Variants in CTNNA3 observed in about 807,000 individuals in gnomAD.
CTNNA3 encodes catenin alpha 3, also known as catenin alpha-3.
CTNNA3 carries 76 observed loss-of-function variants against 95.7 expected under a neutral mutation model. That is an observed-to-expected ratio of 0.79 (90% confidence interval 0.66 to 0.96). The LOEUF is 0.96. Ranked by LOEUF, CTNNA3 falls within the 40% of genes least tolerant of loss-of-function variation. CTNNA3 has a pLI of 0.00. For missense variants in CTNNA3, 1,191 were observed against 1,089.8 expected, an observed-to-expected ratio of 1.09 and a Z score of -1.31; for synonymous variants, 431 against 374.4, an observed-to-expected ratio of 1.15 and a Z score of -1.74.
At chr10:66,629,212 T>C (rs1845046533) in intron 9 of CTNNA3, among the ~76,000 whole-genome samples, 1 of 151,512 alleles carries the variant, frequency 6.6e-6, no homozygotes, top group African/African-American at 2.4e-5. Context: ...ATTCCTAGAG[T>C]GTTCAAGTCA....
At chr10:66,570,586 C>T (rs113171226) in intron 10 of CTNNA3, among the ~76,000 whole-genome samples, 2,504 of 151,812 alleles carry the variant, frequency 0.016, 30 homozygotes, top group Non-Finnish European at 0.026. Context: ...CGCACCCAGC[C>T]GACAAAATAT....
intron 11 of CTNNA3, among the ~76,000 whole-genome samples, chr10:66,476,053 T>A (rs1203684772): frequency 6.6e-6 from 1 of 152,056 alleles, no homozygotes; most frequent in Non-Finnish European, 1.5e-5. Context: ...TGAGCTAACA[T>A]CCTTTGCTGG....
chr10:66,648,509 A>T (rs905994740), intron 9 of CTNNA3, among the ~76,000 whole-genome samples: 2 of 152,196 alleles, frequency 1.3e-5, no homozygotes, highest in Non-Finnish European at 2.9e-5. Context: ...AGAGTCGAAT[A>T]TGCGAATCCT....
At position 66,609,046 on chromosome 10, in the gene CTNNA3, C is replaced by A. The variant is rs1460302681; in HGVS notation, c.1374+12646G>T. Reference sequence around the variant, plus strand: ...TACATTCTGCAAACTATGCATCTGACAAAGGTCTATTATCTTTTTTTTTCT... The same window carrying A: ...TACATTCTGCAAACTATGCATCTGAAAAAGGTCTATTATCTTTTTTTTTCT... On this transcript the variant is annotated intron_variant, in intron 10 of 17. Transcript: ENST00000433211. Among the ~76,000 whole-genome samples, 3 of 151,916 alleles carry A rather than the reference C, an allele frequency of 2.0e-5. No individual in the cohort carries two copies. In the East Asian group the frequency reaches 5.8e-4, roughly 29 times the overall value.
At chr10:67,341,582 T>C (rs1343883110) in intron 5 of CTNNA3, among the ~76,000 whole-genome samples, 1 of 152,230 alleles carries the variant, frequency 6.6e-6, no homozygotes, top group Non-Finnish European at 1.5e-5. Context: ...ACATTTTCTT[T>C]ATCCATTCAT....
rs973134085 is a variant in CTNNA3 at position 67,743,727 on chromosome 10, T to C, written c.-2+19707A>G. ...AAGTTAAATTGTCCCTGTTTGCAGATGACATGATTGTATATCTAGAAAACC... is the reference window on the plus strand; with the variant it reads ...AAGTTAAATTGTCCCTGTTTGCAGACGACATGATTGTATATCTAGAAAACC... On this transcript the variant is annotated intron_variant, in intron 1 of 17. Transcript: ENST00000684154. 4.6e-5 allele frequency among the ~76,000 whole-genome samples: 7 copies of C among 151,266 alleles called. 1 individual carries two copies. The Admixed American group carries it at 4.6e-4, about 10-fold the overall frequency.
At position 67,252,218 on chromosome 10, in the gene CTNNA3, C is replaced by CAAA. The variant is rs34502404; in HGVS notation, c.580-32351_580-32349dup. Among the ~76,000 whole-genome samples the CAAA allele has an allele frequency of 1.5e-3, 132 of 87,240 alleles. 3 individuals carry two copies. The highest frequency in any genetic ancestry group is 4.0e-3 in the African/African-American group (120 of 29,908). The allele number at this position is 87,240 out of a possible 152,430, so 57.2% of individuals were successfully genotyped here. A position where few individuals can be genotyped will look rare whatever the true frequency, so the allele number is the denominator to read the frequency against. ...AGAGCAACAGAGTGAAACACTGTCTCAAAAAAAAAAAAAAAAAAGACCTAA... is the reference window on the plus strand; with the variant it reads ...AGAGCAACAGAGTGAAACACTGTCTCAAAAAAAAAAAAAAAAAAAAAGACCTAA... On this transcript the variant is annotated intron_variant, in intron 5 of 17. Transcript: ENST00000433211.
intron 3 of CTNNA3, among the ~76,000 whole-genome samples, chr10:67,593,372 G>A (rs750702661): frequency 6.6e-6 from 1 of 152,060 alleles, no homozygotes. Flanking sequence ...TAACAATATT[G>A]ATTCTTCTGA....
chr10:66,698,010 C>A (rs1190508298), intron 9 of CTNNA3, among the ~76,000 whole-genome samples: 1 of 151,990 alleles, frequency 6.6e-6, no homozygotes, highest in African/African-American at 2.4e-5. Context: ...AGGAAACAGG[C>A]CTTCTGAACA....
At chr10:66,004,490 G>A (rs1423984861) in intron 15 of CTNNA3, among the ~76,000 whole-genome samples, 1 of 152,092 alleles carries the variant, frequency 6.6e-6, no homozygotes, top group East Asian at 1.9e-4. Context: ...ATAGAGACAT[G>A]TAACCTAGTT....
At chr10:66,406,932 A>C (rs1056860436) in intron 11 of CTNNA3, among the ~76,000 whole-genome samples, 3 of 152,138 alleles carry the variant, frequency 2.0e-5, no homozygotes, top group Non-Finnish European at 4.4e-5. Context: ...TTGATTTCTT[A>C]AGTTTTAAAA....
chr10:66,002,160 T>C lies in CTNNA3; in HGVS notation c.2160-13363A>G, dbSNP rs1442666268. On this transcript the variant is annotated intron_variant, in intron 15 of 17. Transcript: ENST00000433211. ...AGATAAAAAAGAAAAAAAGTAGTTA[T>C]CATGGAAGCAACCAAAAATGATAAG... is the stretch of plus-strand genomic sequence containing the variant. Among the ~76,000 whole-genome samples, 10 of 152,282 alleles carry C rather than the reference T, an allele frequency of 6.6e-5. No homozygotes were observed. The East Asian group carries it at 1.9e-3, about 29-fold the overall frequency.
chr10:67,258,138 CTTTG>C (rs556872529), intron 5 of CTNNA3, among the ~76,000 whole-genome samples: 9 of 151,866 alleles, frequency 5.9e-5, no homozygotes, highest in East Asian at 1.9e-4. Context: ...AATGGTTATC[CTTTG>C]TTTGTTTGTT....
At chr10:67,221,235 A>G (rs747280458) in intron 5 of CTNNA3, among the ~76,000 whole-genome samples, 2 of 152,206 alleles carry the variant, frequency 1.3e-5, no homozygotes, top group Non-Finnish European at 2.9e-5. Flanking sequence ...ACTGGAAAAA[A>G]GGTAAATGGG....
chr10:66,590,583 A>G (rs750332880), intron 10 of CTNNA3, among the ~76,000 whole-genome samples: 36 of 152,232 alleles, frequency 2.4e-4, no homozygotes, highest in South Asian at 6.2e-4. Context: ...AATGAGGACC[A>G]TGAATCAGAA....
intron 7 of CTNNA3, among the ~76,000 whole-genome samples, chr10:67,004,128 GC>G (rs1851837420): frequency 6.6e-6 from 1 of 151,802 alleles, no homozygotes; most frequent in African/African-American, 2.4e-5. Context: ...TGGCTGTGGA[GC>G]CATGGCTGTG....
chr10:66,394,237 G>T (rs146985473), intron 11 of CTNNA3, among the ~76,000 whole-genome samples: 26 of 151,996 alleles, frequency 1.7e-4, no homozygotes, highest in Middle Eastern at 3.4e-3. Context: ...ATAGCTAGAG[G>T]GAACTTCAAG....
intron 4 of CTNNA3, among the ~76,000 whole-genome samples, chr10:67,531,321 G>A (rs1840320267): frequency 6.6e-6 from 1 of 152,180 alleles, no homozygotes; most frequent in Admixed American, 6.5e-5. Flanking sequence ...CCAGGAGGAA[G>A]GCTGTATCCC....
intron 17 of CTNNA3, among the ~76,000 whole-genome samples, chr10:65,962,692 G>A (rs2077872184): frequency 6.6e-6 from 1 of 151,928 alleles, no homozygotes; most frequent in African/African-American, 2.4e-5. Context: ...TCCTCCTAAT[G>A]TGATCCCTCC....
Sources: allele counts gnomAD v4.1 joint callset (sites outside exome capture counted in the v4.1 genomes callset), GRCh38; gene constraint gnomAD v4.1.1; transcripts MANE v1.5; gene names NCBI Gene and HGNC (gene_info 2026-07-23, HGNC 2026-07-21).